Variants in TMEM278 observed in about 807,000 individuals in gnomAD.
The protein encoded by TMEM278 is transmembrane protein 88B.
At chr1:1,428,618 C>T in the TMEM278 span, among the ~76,000 whole-genome samples, 1 of 152,234 alleles carries the variant, frequency 6.6e-6, no homozygotes, top group Non-Finnish European at 1.5e-5. Flanking sequence ...TTCTCCATAT[C>T]CTCACCATTT....
At chr1:1,428,247 C>T in the TMEM278 span, among the ~76,000 whole-genome samples, 48 of 151,460 alleles carry the variant, frequency 3.2e-4, no homozygotes, top group Non-Finnish European at 6.1e-4. Context: ...AGAGGAGGGG[C>T]GCAGGCCCCA....
At chr1:1,429,865 C>T in the TMEM278 span, among the ~76,000 whole-genome samples, 9,915 of 152,130 alleles carry the variant, frequency 0.065, 1,129 homozygotes, top group African/African-American at 0.23. Flanking sequence ...ACTACTCTGT[C>T]TGTTTGTTTA....
chr1:1,428,817 G>A, the TMEM278 span, among the ~76,000 whole-genome samples: 1 of 152,060 alleles, frequency 6.6e-6, no homozygotes, highest in South Asian at 2.1e-4. Flanking sequence ...TGGCTAACAC[G>A]GTGAAACCCC....
At chr1:1,429,074 C>T in the TMEM278 span, among the ~76,000 whole-genome samples, 1 of 151,766 alleles carries the variant, frequency 6.6e-6, no homozygotes, top group South Asian at 2.1e-4. Context: ...GAGGCTGAGG[C>T]AGGAGGATCG....
At chr1:1,427,841 T>G in the TMEM278 span, 1 of 1,329,450 alleles carries the variant, frequency 7.5e-7, no homozygotes, top group Non-Finnish European at 9.6e-7. Context: ...CGCGACCCCA[T>G]CGCGTGGCCC....
At chr1:1,427,818 C>A in the TMEM278 span, 1 of 1,372,862 alleles carries the variant, frequency 7.3e-7, no homozygotes, top group African/African-American at 1.6e-5. Context: ...CCCGGGAGGC[C>A]TCCGAGCTCG....
the TMEM278 span, among the ~76,000 whole-genome samples, chr1:1,429,595 G>A: frequency 2.6e-5 from 4 of 152,256 alleles, no homozygotes; most frequent in Admixed American, 6.5e-5. Context: ...TTCTCTGAAC[G>A]TTTGGTTGTT....
chr1:1,427,776 G>A, the TMEM278 span: 1 of 1,368,426 alleles, frequency 7.3e-7, no homozygotes, highest in Non-Finnish European at 9.4e-7. Context: ...GCAACTCTGC[G>A]CCTGGGTGTG....
the TMEM278 span, chr1:1,426,150 C>CGGA: frequency 4.3e-4 from 599 of 1,408,172 alleles, 1 homozygote; most frequent in African/African-American, 8.3e-3. Flanking sequence ...GGGAGGGAGA[C>CGGA]GGAGGAGGAG....
the TMEM278 span, chr1:1,427,689 C>T: frequency 8.5e-5 from 113 of 1,325,740 alleles, 1 homozygote; most frequent in Middle Eastern, 2.2e-3. Flanking sequence ...CCTAGCCCGG[C>T]GCCTCCGCCC....
the TMEM278 span, among the ~76,000 whole-genome samples, chr1:1,426,589 T>C: frequency 2.1e-4 from 32 of 152,148 alleles, no homozygotes; most frequent in Non-Finnish European, 4.4e-4. Flanking sequence ...GGGACAGCTC[T>C]GTCCCTTCCC....
the TMEM278 span, chr1:1,427,820 C>A: frequency 7.3e-7 from 1 of 1,372,280 alleles, no homozygotes; most frequent in Non-Finnish European, 9.4e-7. Context: ...CGGGAGGCCT[C>A]CGAGCTCGCG....
At chr1:1,427,129 GC>G in the TMEM278 span, among the ~76,000 whole-genome samples, 1 of 87,976 alleles carries the variant, frequency 1.1e-5, no homozygotes. Context: ...CTACCGCCCC[GC>G]CCCGCTCTTT....
At chr1:1,426,428 G>C in the TMEM278 span, 2 of 1,328,652 alleles carry the variant, frequency 1.5e-6, no homozygotes, top group East Asian at 6.2e-5. Context: ...TGGGGTCCTG[G>C]GGAGTGGGCG....
the TMEM278 span, among the ~76,000 whole-genome samples, chr1:1,429,207 C>T: frequency 6.6e-6 from 1 of 150,610 alleles, no homozygotes; most frequent in South Asian, 2.1e-4. Context: ...AATTAGCTGG[C>T]CATGGTGGTG....
At chr1:1,427,610 G>A in the TMEM278 span, 7 of 1,256,592 alleles carry the variant, frequency 5.6e-6, no homozygotes, top group Non-Finnish European at 7.0e-6. Context: ...GCGGCTCCGC[G>A]GCGCTCATCG....
the TMEM278 span, among the ~76,000 whole-genome samples, chr1:1,428,607 C>T: frequency 1.3e-5 from 2 of 152,214 alleles, no homozygotes; most frequent in Admixed American, 6.5e-5. Context: ...CCACGAATTC[C>T]TTCTCCATAT....
chr1:1,427,661 C>T, the TMEM278 span: 1 of 1,341,684 alleles, frequency 7.5e-7, no homozygotes, highest in Non-Finnish European at 9.6e-7. Flanking sequence ...TGGTGCTCGC[C>T]TCGGCCGTCC....
chr1:1,428,816 C>G, the TMEM278 span, among the ~76,000 whole-genome samples: 1 of 152,038 alleles, frequency 6.6e-6, no homozygotes, highest in Non-Finnish European at 1.5e-5. Context: ...CTGGCTAACA[C>G]GGTGAAACCC....
Sources: allele counts gnomAD v4.1 joint callset (sites outside exome capture counted in the v4.1 genomes callset), GRCh38; gene constraint gnomAD v4.1.1; transcripts MANE v1.5; gene names NCBI Gene and HGNC (gene_info 2026-07-23, HGNC 2026-07-21).